The following STK3 variants were observed in gnomAD, a reference collection of about 807,000 sequenced individuals.
The protein encoded by STK3 is serine/threonine-protein kinase 3.
A neutral mutation model predicts 58.0 loss-of-function variants in STK3; 41 were observed. That is an observed-to-expected ratio of 0.71 (90% CI 0.55 to 0.92). The LOEUF is 0.92. Ranked by LOEUF, STK3 falls within the 40% of genes least tolerant of loss-of-function variation. STK3 has a pLI of 0.00. For missense variants in STK3, 479 were observed against 602.7 expected (o/e 0.79, Z 2.15); for synonymous variants, 170 against 191.0 (o/e 0.89, Z 0.91).
chr8:98,893,538 A>C (rs1054644964), intron 1 of STK3, among the ~76,000 whole-genome samples: 4 of 139,780 alleles, frequency 2.9e-5, no homozygotes, highest in African/African-American at 1.1e-4. Flanking sequence ...GAAAGAAAGA[A>C]AAAGAAAGAG....
At chr8:98,414,082 G>A (rs995370882) in intron 3 of STK3, among the ~76,000 whole-genome samples, 1 of 152,236 alleles carries the variant, frequency 6.6e-6, no homozygotes, top group East Asian at 1.9e-4. Context: ...TGGCCAACAC[G>A]GTGAAACCCC....
At chr8:98,808,197 C>G (rs920551934) in intron 1 of STK3, among the ~76,000 whole-genome samples, 4 of 152,242 alleles carry the variant, frequency 2.6e-5, no homozygotes, top group African/African-American at 9.6e-5. Context: ...TTTCAATCTT[C>G]TCTAAGAAGT....
intron 3 of STK3, among the ~76,000 whole-genome samples, chr8:98,421,282 T>C (rs1316585846): frequency 6.6e-6 from 1 of 152,040 alleles, no homozygotes; most frequent in Non-Finnish European, 1.5e-5. Flanking sequence ...GAGAGGGAGC[T>C]TCTGGGTCCC....
chr8:98,622,830 A>G, intron 6 of STK3, among the ~76,000 whole-genome samples: 1 of 152,206 alleles, frequency 6.6e-6, no homozygotes, highest in East Asian at 1.9e-4. Context: ...AATTGCAAAA[A>G]CCTGTACTAT....
At chr8:98,561,741 T>C (rs1201844725) in intron 8 of STK3, among the ~76,000 whole-genome samples, 2 of 152,028 alleles carry the variant, frequency 1.3e-5, no homozygotes, top group Non-Finnish European at 2.9e-5. Flanking sequence ...AAATCAAAAA[T>C]GGGAGAAAAT....
chr8:98,461,461 A>G (rs1819971805), intron 10 of STK3, among the ~76,000 whole-genome samples: 1 of 152,124 alleles, frequency 6.6e-6, no homozygotes, highest in African/African-American at 2.4e-5. Context: ...TTTTAAGTGG[A>G]GCATTTAGAC....
downstream of STK3, among the ~76,000 whole-genome samples, chr8:98,451,938 T>A (rs550279295): frequency 9.9e-5 from 15 of 151,850 alleles, no homozygotes; most frequent in South Asian, 6.2e-4. Context: ...TGCATTTTGA[T>A]GAAATATCTA....
At chr8:98,693,071 G>A (rs1824529600) in intron 6 of STK3, among the ~76,000 whole-genome samples, 1 of 152,210 alleles carries the variant, frequency 6.6e-6, no homozygotes, top group South Asian at 2.1e-4. Flanking sequence ...ATAAGAGAAA[G>A]GCAGAGAGAA....
chr8:98,559,633 T>C (rs1368374075), intron 8 of STK3, among the ~76,000 whole-genome samples: 5 of 152,140 alleles, frequency 3.3e-5, no homozygotes, highest in African/African-American at 1.2e-4. Context: ...CAGACCGCTG[T>C]ATCCAACTGC....
Position 98,572,262 on chromosome 8 carries a change from CTAGAGT to C in STK3, c.948+7396_948+7401del, listed in dbSNP as rs577891394. ...AAACTGCATGCTTACATTTTGAATA[CTAGAGT>C]TAAACTAGTACTAACTGCACAAATC... On this transcript the variant is annotated intron_variant, in intron 8 of 10. Transcript: ENST00000419617. Among the ~76,000 whole-genome samples, 1,026 of 152,228 alleles carry C rather than the reference CTAGAGT, an allele frequency of 6.7e-3. 7 individuals are homozygous for C. Among genetic ancestry groups the C allele is most frequent in the African/African-American group, 0.023 (961 of 41,534 alleles).
chr8:98,447,861 C>T (rs1241289016), intron 1 of STK3, among the ~76,000 whole-genome samples: 1 of 148,464 alleles, frequency 6.7e-6, no homozygotes, highest in Non-Finnish European at 1.5e-5. Context: ...AACTAGCAAC[C>T]CATTAGATTA....
chr8:98,552,714 T>C (rs1811272893), intron 8 of STK3, among the ~76,000 whole-genome samples: 1 of 152,150 alleles, frequency 6.6e-6, no homozygotes, highest in Non-Finnish European at 1.5e-5. Context: ...ATATCTGGCC[T>C]TTACGACCAC....
At chr8:98,757,944 C>A (rs2131394555) in intron 3 of STK3, among the ~76,000 whole-genome samples, 1 of 152,298 alleles carries the variant, frequency 6.6e-6, no homozygotes, top group African/African-American at 2.4e-5. Flanking sequence ...TCATTCTAGC[C>A]AGCAAGTTAA....
At chr8:98,763,792 C>T (rs1047541875) in intron 3 of STK3, among the ~76,000 whole-genome samples, 1 of 152,116 alleles carries the variant, frequency 6.6e-6, no homozygotes, top group Non-Finnish European at 1.5e-5. Context: ...CCTGCCTCAG[C>T]CTCCCAAGTA....
downstream of STK3, chr8:98,883,743 A>G (rs1239601324): frequency 3.4e-5 from 24 of 702,826 alleles, no homozygotes; most frequent in Non-Finnish European, 5.7e-5. Context: ...GCCACTGTCC[A>G]TGAGTTGTAA....
intron 10 of STK3, among the ~76,000 whole-genome samples, chr8:98,512,503 T>C (rs1445655630): frequency 6.6e-6 from 1 of 152,178 alleles, no homozygotes; most frequent in Non-Finnish European, 1.5e-5. Flanking sequence ...AAACAATATG[T>C]GCCACATGTG....
At chr8:98,555,929 G>C (rs1399840191) in intron 8 of STK3, among the ~76,000 whole-genome samples, 1 of 152,040 alleles carries the variant, frequency 6.6e-6, no homozygotes, top group African/African-American at 2.4e-5. Flanking sequence ...TATTTTAACA[G>C]ATAAAAGGGA....
At position 98,769,110 on chromosome 8, in the gene STK3, T is replaced by G. The variant is rs551200332; in HGVS notation, c.108-1739A>C. Among the ~76,000 whole-genome samples, 3 of 152,364 alleles carry G rather than the reference T, an allele frequency of 2.0e-5. No homozygotes were observed. In the East Asian group the frequency reaches 5.8e-4, roughly 29 times the overall value. On this transcript the variant is annotated intron_variant, in intron 2 of 10. Coordinates refer to ENST00000419617, the MANE Select transcript of STK3 (RefSeq NM_006281.4). Reference sequence around the variant, plus strand: ...CCTAACTTCATTACTAAATTCTTCATATCTATAGAGTACATACAGTAGCTT... The same window carrying G: ...CCTAACTTCATTACTAAATTCTTCAGATCTATAGAGTACATACAGTAGCTT...
intron 4 of STK3, among the ~76,000 whole-genome samples, chr8:98,712,839 C>A (rs1010201691): frequency 3.3e-5 from 5 of 152,146 alleles, no homozygotes; most frequent in Admixed American, 3.3e-4. Context: ...ACATTCTTTT[C>A]AGCACCACAC....
Sources: gnomAD v4.1 joint callset for allele counts (sites outside exome capture counted in the v4.1 genomes callset) on GRCh38, gnomAD v4.1.1 for gene constraint, MANE v1.5 for transcripts, NCBI Gene and HGNC (gene_info 2026-07-23, HGNC 2026-07-21) for gene names.